The following TRIT1 variants were observed in gnomAD, a reference collection of about 807,000 sequenced individuals.
The protein encoded by TRIT1 is tRNA isopentenyltransferase 1.
Under a neutral mutation model 51.2 loss-of-function variants are expected in TRIT1, and 43 were observed. The ratio of observed to expected loss-of-function variants is 0.84; its 90% CI spans 0.66 to 1.08. The LOEUF (loss-of-function observed/expected upper bound fraction) is 1.08. Among genes scored for constraint, TRIT1 ranks in the 50% least tolerant of loss-of-function variants. The pLI, the probability that TRIT1 is intolerant of heterozygous loss-of-function variation, is 0.00. For synonymous variants in TRIT1, 184 were observed against 203.9 expected (o/e 0.90, Z 0.83); for missense variants, 528 against 578.4 (o/e 0.91, Z 0.89).
At chr1:39,860,943 T>C (rs1040046544) in intron 1 of TRIT1, among the ~76,000 whole-genome samples, 1 of 152,110 alleles carries the variant, frequency 6.6e-6, no homozygotes, top group East Asian at 1.9e-4. Flanking sequence ...CCAGGCGTGG[T>C]GGCGCACGCC....
chr1:39,854,155 T>C (rs1642758714), intron 2 of TRIT1, 87 bp from the exon 3 acceptor site: 1 of 983,670 alleles, frequency 1.0e-6, no homozygotes, highest in Non-Finnish European at 1.5e-6. Flanking sequence ...CATTCATTTA[T>C]CTGCAGAGCA....
chr1:39,855,483 A>G (rs1642840630), intron 2 of TRIT1, among the ~76,000 whole-genome samples: 1 of 152,188 alleles, frequency 6.6e-6, no homozygotes, highest in African/African-American at 2.4e-5. Flanking sequence ...GACCAAGGAA[A>G]TGTTTCAGAT....
In TRIT1 at chr1:39,838,613, A is replaced by G. The variant is rs1652462113; in HGVS notation, c.*3131T>C. ...GAGCCTTCCACGTAGCTGGGACTATAGGCATGACCCACCATACCCGGCATG... is the reference window on the plus strand; with the variant it reads ...GAGCCTTCCACGTAGCTGGGACTATGGGCATGACCCACCATACCCGGCATG... On this transcript the variant is annotated 3_prime_UTR_variant, in exon 11 of 11. Coordinates refer to ENST00000316891, the MANE Select transcript of TRIT1 (RefSeq NM_017646.6). 6.6e-6 allele frequency among the ~76,000 whole-genome samples: 1 copy of G among 152,160 alleles called. No homozygotes were observed. The highest frequency in any genetic ancestry group is 1.5e-5 in the Non-Finnish European group (1 of 68,036).
chr1:39,881,218 C>T (rs1312195876), intron 1 of TRIT1, among the ~76,000 whole-genome samples: 2 of 140,542 alleles, frequency 1.4e-5, no homozygotes, highest in African/African-American at 2.7e-5. Context: ...AAGAGCGAAA[C>T]TCTGTCTCCA....
At chr1:39,859,514 C>T (rs936740103) in intron 1 of TRIT1, among the ~76,000 whole-genome samples, 7 of 149,670 alleles carry the variant, frequency 4.7e-5, no homozygotes, top group Admixed American at 1.3e-4. Flanking sequence ...GCCTGGAAGG[C>T]GGAGGCTGCA....
chr1:39,852,683 C>G, intron 4 of TRIT1, 48 bp downstream of exon 4: 1 of 1,591,658 alleles, frequency 6.3e-7, no homozygotes, highest in Non-Finnish European at 8.5e-7. Context: ...GAACTGACTG[C>G]TCTCTAGTTG....
chr1:39,847,002 G>A (rs886861172), intron 8 of TRIT1: 4 of 513,744 alleles, frequency 7.8e-6, no homozygotes, highest in African/African-American at 3.9e-5. Context: ...TCTGTTCAAG[G>A]CAGAAGGCAG....
intron 1 of TRIT1, among the ~76,000 whole-genome samples, chr1:39,869,889 GT>G (rs1643787290): frequency 6.6e-6 from 1 of 151,830 alleles, no homozygotes; most frequent in Middle Eastern, 3.2e-3. Context: ...CCTCCAGGAG[GT>G]GGGGGACAGC....
chr1:39,851,492 G>A (rs767313217), intron 4 of TRIT1, among the ~76,000 whole-genome samples: 1 of 152,156 alleles, frequency 6.6e-6, no homozygotes, highest in African/African-American at 2.4e-5. Flanking sequence ...CTATTAAAGT[G>A]TTTAAAATGT....
At chr1:39,865,508 T>C (rs1007346847) in intron 1 of TRIT1, among the ~76,000 whole-genome samples, 4 of 152,092 alleles carry the variant, frequency 2.6e-5, no homozygotes, top group African/African-American at 7.2e-5. Context: ...CATTCCATCA[T>C]TGAGAGGCAC....
chr1:39,856,832 G>A (rs1014339060), intron 2 of TRIT1, among the ~76,000 whole-genome samples: 5 of 152,100 alleles, frequency 3.3e-5, no homozygotes, highest in African/African-American at 7.2e-5. Flanking sequence ...ATAGAAAACC[G>A]AAGCTCAGTG....
At chr1:39,876,058 T>TCA (rs1260849837) in intron 1 of TRIT1, 2 of 151,706 alleles carry the variant, frequency 1.3e-5, no homozygotes, top group Non-Finnish European at 2.9e-5. Context: ...AGGCTGCTAC[T>TCA]CACAAGCAGA....
intron 10 of TRIT1, among the ~76,000 whole-genome samples, chr1:39,842,654 C>T (rs1013734573): frequency 6.6e-6 from 1 of 152,206 alleles, no homozygotes; most frequent in African/African-American, 2.4e-5. Context: ...TTCTGACTAA[C>T]TCATACAGAT....
At chr1:39,864,867 C>A (rs1643448874) in intron 1 of TRIT1, among the ~76,000 whole-genome samples, 1 of 152,176 alleles carries the variant, frequency 6.6e-6, no homozygotes, top group African/African-American at 2.4e-5. Flanking sequence ...TAGCTGTCTA[C>A]AAGCAAAAGG....
intron 2 of TRIT1, among the ~76,000 whole-genome samples, chr1:39,857,060 A>G (rs1375238101): frequency 6.6e-6 from 1 of 152,230 alleles, no homozygotes; most frequent in African/African-American, 2.4e-5. Flanking sequence ...ATTTCTAACA[A>G]GTTCCCAGAG....
intron 6 of TRIT1, 113 bp downstream of exon 6, chr1:39,847,873 C>T: frequency 1.5e-6 from 2 of 1,340,864 alleles, no homozygotes; most frequent in Non-Finnish European, 1.0e-6. Flanking sequence ...TAAAAAACTG[C>T]ATCTGCAAAG....
chr1:39,842,769 T>C (rs533740914), intron 10 of TRIT1, among the ~76,000 whole-genome samples: 1 of 152,226 alleles, frequency 6.6e-6, no homozygotes, highest in Non-Finnish European at 1.5e-5. Context: ...AAAAACATCA[T>C]TTTTAAGAGT....
At chr1:39,843,089 T>C (rs1236954832) in intron 10 of TRIT1, among the ~76,000 whole-genome samples, 1 of 152,254 alleles carries the variant, frequency 6.6e-6, no homozygotes. Context: ...TCCCCTTTCA[T>C]CATTATAAAC....
At chr1:39,875,622 A>G (rs1644026357) in intron 1 of TRIT1, among the ~76,000 whole-genome samples, 1 of 152,070 alleles carries the variant, frequency 6.6e-6, no homozygotes, top group South Asian at 2.1e-4. Flanking sequence ...TCCCTCAAGT[A>G]CCCTCTATGC....
Sources: allele counts gnomAD v4.1 joint callset (sites outside exome capture counted in the v4.1 genomes callset), GRCh38; gene constraint gnomAD v4.1.1; transcripts MANE v1.5; gene names NCBI Gene and HGNC (gene_info 2026-07-23, HGNC 2026-07-21).